The following RREB1 variants were observed in gnomAD, a reference collection of about 807,000 sequenced individuals.
The protein encoded by RREB1 is ras-responsive element-binding protein 1.
In RREB1, 27 loss-of-function variants were observed where a neutral mutation model predicts 117.8. The observed-to-expected ratio is 0.23, with a 90% CI of 0.17 to 0.32. The LOEUF (loss-of-function observed/expected upper bound fraction) is 0.32. RREB1 is among the 10% of genes least tolerant of loss of function. RREB1 has a pLI of 1.00. For missense variants in RREB1, 2,577 were observed against 2,378.2 expected (o/e 1.08, Z -1.74); for synonymous variants, 1,298 against 1,026.7 (o/e 1.26, Z -5.05).
Position 7,231,944 on chromosome 6 carries a change from A to G in RREB1, c.3808+37A>G, listed in dbSNP as rs1768012027. The stretch of plus-strand genomic sequence containing the variant: ...ACCGGGCTCCCAGGCAGTGAGTCCT[A>G]CTTCCTGGTAGGGGGAGCCACGAGT... On this transcript the variant is annotated intron_variant, in intron 10 of 12. Transcript: ENST00000379938. 3.2e-6 allele frequency: 5 copies of G among 1,540,140 alleles called. No homozygotes were observed. In the East Asian group the frequency reaches 9.1e-5, roughly 28 times the overall value.
intron 11 of RREB1, 82 bp downstream of exon 11, chr6:7,240,684 G>C: frequency 7.8e-7 from 1 of 1,289,672 alleles, no homozygotes; most frequent in East Asian, 2.4e-5. Flanking sequence ...TCCAGTCCGA[G>C]CTGTGGAGGG....
chr6:7,110,197 A>G (rs554731319), intron 1 of RREB1, among the ~76,000 whole-genome samples: 1 of 152,228 alleles, frequency 6.6e-6, no homozygotes, highest in Non-Finnish European at 1.5e-5. Context: ...TGGGGAAAAG[A>G]GAACTGCCAA....
intron 12 of RREB1, 41 bp downstream of exon 12, chr6:7,247,262 G>C: frequency 6.4e-7 from 1 of 1,560,914 alleles, no homozygotes; most frequent in Non-Finnish European, 8.7e-7. Flanking sequence ...ACAAGAGGAG[G>C]CGAGCCGGGC....
intron 11 of RREB1, among the ~76,000 whole-genome samples, chr6:7,244,136 A>G (rs1389944419): frequency 2.0e-5 from 3 of 151,852 alleles, no homozygotes; most frequent in Admixed American, 6.6e-5. Context: ...GGTGGCTCAC[A>G]CCTGTAATCC....
At chr6:7,208,715 C>T (rs1766413135) in intron 6 of RREB1, among the ~76,000 whole-genome samples, 2 of 152,214 alleles carry the variant, frequency 1.3e-5, no homozygotes, top group African/African-American at 4.8e-5. Flanking sequence ...TTGAGCAAAA[C>T]TGGAGGTGGG....
At chr6:7,151,874 G>C (rs1392401697) in intron 1 of RREB1, among the ~76,000 whole-genome samples, 2 of 152,222 alleles carry the variant, frequency 1.3e-5, no homozygotes, top group African/African-American at 4.8e-5. Context: ...AAGCTCCCAG[G>C]AATTTACTTA....
intron 1 of RREB1, among the ~76,000 whole-genome samples, chr6:7,136,057 G>A (rs1249792809): frequency 6.6e-6 from 1 of 152,222 alleles, no homozygotes; most frequent in Non-Finnish European, 1.5e-5. Context: ...GGTCTCAGCT[G>A]AGTGAGATTC....
At chr6:7,142,480 A>AGGGC (rs1762651362) in intron 1 of RREB1, among the ~76,000 whole-genome samples, 2 of 152,214 alleles carry the variant, frequency 1.3e-5, no homozygotes, top group South Asian at 4.1e-4. Flanking sequence ...ATCACCGGTG[A>AGGGC]GGGCAGCAGG....
chr6:7,187,655 A>G (rs1480131646), intron 5 of RREB1, 132 bp downstream of exon 5: 2 of 371,618 alleles, frequency 5.4e-6, no homozygotes, highest in Non-Finnish European at 9.0e-6. Flanking sequence ...ACTGTGAGCA[A>G]TCAGTTGAGA....
intron 10 of RREB1, among the ~76,000 whole-genome samples, chr6:7,237,231 G>A (rs1202412365): frequency 1.3e-5 from 2 of 151,952 alleles, no homozygotes; most frequent in African/African-American, 4.8e-5. Context: ...GATTACAGGT[G>A]CGCGCCACTG....
intron 2 of RREB1, among the ~76,000 whole-genome samples, chr6:7,177,289 G>A (rs1264469277): frequency 6.7e-6 from 1 of 150,076 alleles, no homozygotes; most frequent in Non-Finnish European, 1.5e-5. Context: ...TGATCTGATG[G>A]GCCTGAAATG....
chr6:7,247,190 G>T lies in RREB1; in HGVS notation c.4740G>T (p.Gln1580His). The stretch of plus-strand genomic sequence containing the variant: ...GCAACAAGCGGTTCTGGTCGCTGCA[G>T]GACCTGACCCGGCACATGCGCTCCC... ...SVCNKRFWSL[Q>H]DLTRHMRSHT... The change falls in exon 12 of 13, where the codon CAG becomes CAT. Residue 1580 changes from glutamine (Q) to histidine (H), a missense_variant. Coordinates refer to ENST00000379938, the MANE Select transcript of RREB1 (RefSeq NM_001003699.4). 1 of 1,613,692 alleles carries T rather than the reference G, an allele frequency of 6.2e-7. No homozygotes were observed. Among genetic ancestry groups the T allele is most frequent in the Non-Finnish European group, 8.5e-7 (1 of 1,179,936 alleles).
intron 1 of RREB1, among the ~76,000 whole-genome samples, chr6:7,140,157 T>C (rs1762504239): frequency 6.6e-6 from 1 of 152,218 alleles, no homozygotes; most frequent in Admixed American, 6.5e-5. Flanking sequence ...CCACACGGCG[T>C]CTTTGCCAGC....
At position 7,231,080 on chromosome 6, in the gene RREB1, C is replaced by T. The variant is rs369169005; in HGVS notation, c.2981C>T (p.Ala994Val). The change falls in exon 10 of 13, where the codon GCC becomes GTC. Residue 994 changes from alanine to valine, a missense_variant. Ala to Val is a moderately conservative substitution (Grantham distance 64). Transcript: ENST00000379938. ...AGCGGAATCCTGGAAAGCCCCATGGCCCCTGCTCCGGCGGCCACCCCGGAA... is the reference window on the plus strand; with the variant it reads ...AGCGGAATCCTGGAAAGCCCCATGGTCCCTGCTCCGGCGGCCACCCCGGAA... ...GPSGILESPM[A>V]PAPAATPEPP... The T allele has an allele frequency of 6.8e-6, 11 of 1,613,390 alleles. No individual in the cohort carries two copies. Among genetic ancestry groups the T allele is most frequent in the Middle Eastern group, 1.6e-4 (1 of 6,070 alleles).
intron 1 of RREB1, among the ~76,000 whole-genome samples, chr6:7,110,815 A>T (rs1045076673): frequency 1.3e-5 from 2 of 152,190 alleles, no homozygotes; most frequent in Non-Finnish European, 2.9e-5. Flanking sequence ...TGGATGTGTA[A>T]TACTCTTAAG....
chr6:7,202,353 C>G (rs1043598517), intron 6 of RREB1, among the ~76,000 whole-genome samples: 15 of 152,224 alleles, frequency 9.9e-5, no homozygotes, highest in Non-Finnish European at 2.1e-4. Context: ...GAGTAAGTAA[C>G]TAGGTCCTGC....
At chr6:7,242,710 G>C (rs1768791271) in intron 11 of RREB1, among the ~76,000 whole-genome samples, 1 of 151,432 alleles carries the variant, frequency 6.6e-6, no homozygotes, top group Non-Finnish European at 1.5e-5. Flanking sequence ...AGGGGGGGGG[G>C]GAAGGAAATG....
chr6:7,139,038 C>T (rs751662350), intron 1 of RREB1, among the ~76,000 whole-genome samples: 7 of 152,248 alleles, frequency 4.6e-5, no homozygotes, highest in Non-Finnish European at 8.8e-5. Flanking sequence ...ACTACTTTTT[C>T]GTGCACTGAA....
In RREB1 at chr6:7,237,847, A is replaced by G. The variant is rs529587552; in HGVS notation, c.3809-2591A>G. 8.3e-4 allele frequency among the ~76,000 whole-genome samples: 126 copies of G among 152,312 alleles called. 1 individual carries two copies. The highest frequency in any genetic ancestry group is 1.2e-3 in the Non-Finnish European group (85 of 68,026). On this transcript the variant is annotated intron_variant, in intron 10 of 12. Transcript: ENST00000379938. Reference sequence around the variant, plus strand: ...CTTCTAATGACTCATGTGAGTTGTTATGTCACTTTGGGAGCCTTTGTAGTT... The same window carrying G: ...CTTCTAATGACTCATGTGAGTTGTTGTGTCACTTTGGGAGCCTTTGTAGTT...
Sources: gnomAD v4.1 joint callset for allele counts (sites outside exome capture counted in the v4.1 genomes callset) on GRCh38, gnomAD v4.1.1 for gene constraint, MANE v1.5 for transcripts, NCBI Gene and HGNC (gene_info 2026-07-23, HGNC 2026-07-21) for gene names.